Variants in CYP2F1 observed in about 807,000 individuals in gnomAD.
CYP2F1 encodes cytochrome P450 2F1.
In CYP2F1, 33 loss-of-function variants were observed where a neutral mutation model predicts 40.4. That is an observed-to-expected ratio of 0.82 (90% CI 0.62 to 1.09). The LOEUF (loss-of-function observed/expected upper bound fraction) is 1.09, where lower values mean the gene tolerates loss of function less well. CYP2F1 is among the 50% of genes least tolerant of loss of function. CYP2F1 has a pLI of 0.00. For synonymous variants in CYP2F1, 235 were observed against 277.2 expected (o/e 0.85, Z 1.51); for missense variants, 566 against 655.7 (o/e 0.86, Z 1.49).
chr19:41,119,229 G>A (rs28467471), intron 3 of CYP2F1, among the ~76,000 whole-genome samples: 2,883 of 152,332 alleles, frequency 0.019, 97 homozygotes, highest in African/African-American at 0.066. Flanking sequence ...TCCAGGAAGA[G>A]AAGAGACGGG....
At chr19:41,116,017 C>G (rs561731839) in intron 1 of CYP2F1, among the ~76,000 whole-genome samples, 161 bp from the exon 2 acceptor site, 1 of 152,100 alleles carries the variant, frequency 6.6e-6, no homozygotes, top group Non-Finnish European at 1.5e-5. Context: ...ATCTCTGCCT[C>G]TTTCCTCCTT....
At chr19:41,122,731 G>A in intron 6 of CYP2F1, 91 bp from the exon 7 acceptor site, 4 of 1,350,098 alleles carry the variant, frequency 3.0e-6, no homozygotes, top group Non-Finnish European at 3.9e-6. Context: ...AACCCAGCTG[G>A]GACCGAATGG....
chr19:41,120,328 C>A lies in CYP2F1; in HGVS notation c.335-19C>A. 6.4e-7 allele frequency: 1 copy of A among 1,573,916 alleles called. No individual in the cohort carries two copies. Among genetic ancestry groups the A allele is most frequent in the Non-Finnish European group, 8.6e-7 (1 of 1,163,036 alleles). On this transcript the variant is annotated intron_variant, in intron 3 of 9. Transcript: ENST00000331105. Reference sequence around the variant, plus strand: ...AGGATGAGTTCCCGGTTAAGCTGGTCCCCTCCTCTTCTCCCCAGGCATCGC... The same window carrying A: ...AGGATGAGTTCCCGGTTAAGCTGGTACCCTCCTCTTCTCCCCAGGCATCGC...
chr19:41,127,997 C>T lies in CYP2F1; in HGVS notation c.1391C>T (p.Ala464Val), dbSNP rs370378900. ...LQSFSLQPLG[A>V]PEDIDLTPLS... The stretch of plus-strand genomic sequence containing the variant: ...AGCTTTTCGCTGCAGCCGCTGGGTG[C>T]GCCCGAGGACATCGACCTGACCCCA... Residue 464 changes from alanine (A) to valine (V), a missense_variant, in exon 10 of 10, where the codon GCG (alanine) becomes GTG (valine). By Grantham distance (64) the Ala-to-Val change is moderately conservative (BLOSUM62 0). Around this residue, in one of 5 missense-constraint regions of CYP2F1, gnomAD observed 85 missense variants for 84.9 expected, o/e 1.00. Coordinates refer to ENST00000331105, the MANE Select transcript of CYP2F1 (RefSeq NM_000774.5). The T allele has an allele frequency of 3.7e-5, 60 of 1,613,240 alleles. No homozygotes were observed. The highest frequency in any genetic ancestry group is 4.7e-5 in the Non-Finnish European group (55 of 1,180,002).
Position 41,120,231 on chromosome 19 carries a change from G to C in CYP2F1, c.335-116G>C, listed in dbSNP as rs1024565541. 5.7e-6 allele frequency: 6 copies of C among 1,050,810 alleles called. No homozygotes were observed. The East Asian group carries it at 1.5e-4, about 26-fold the overall frequency. 65.1% of individuals were successfully genotyped at this position (1,050,810 alleles called of 1,614,324 possible). ...GGTCCAGAAGGGCTTACTGGAAGGA[G>C]CCAGGGAGATTCCAAACTCTGTCTC... is the stretch of plus-strand genomic sequence containing the variant. On this transcript the variant is annotated intron_variant, in intron 3 of 9. Transcript: ENST00000331105.
chr19:41,116,651 C>T (rs2031829986), intron 3 of CYP2F1, 34 bp downstream of exon 3: 8 of 1,607,748 alleles, frequency 5.0e-6, no homozygotes, highest in Non-Finnish European at 5.9e-6. Flanking sequence ...CGCTCTCGGC[C>T]TTTTCCATAT....
In CYP2F1 at chr19:41,120,394, T is replaced by G. The variant is rs1342733509; in HGVS notation, c.382T>G (p.Ser128Ala). Residue 128 changes from serine (S) to alanine (A), a missense_variant, in exon 4 of 10, where the codon TCT (serine) becomes GCT (alanine). By Grantham distance (99) the Ser-to-Ala change is moderately conservative (BLOSUM62 1). This residue lies in a region of CYP2F1 where 264 missense variants were observed against 275.7 expected (regional missense o/e 0.96). Coordinates refer to ENST00000331105, the MANE Select transcript of CYP2F1 (RefSeq NM_000774.5). ...TCGATGGAAGGTCCTGAGACAGTTC[T>G]CTATCCAGATTCTACGGAATTTCGG... is the stretch of plus-strand genomic sequence containing the variant. ...GDRWKVLRQF[S>A]IQILRNFGMG... is the part of the protein sequence containing the mutation. The G allele has an allele frequency of 1.9e-6, 3 of 1,614,008 alleles. No individual in the cohort carries two copies. The East Asian group carries it at 6.7e-5, about 36-fold the overall frequency.
rs2032572092 is a variant in CYP2F1, at chr19:41,127,015, C to T, written c.1295-886C>T. 2.0e-5 allele frequency among the ~76,000 whole-genome samples: 3 copies of T among 152,126 alleles called. No individual in the cohort carries two copies. The South Asian group carries it at 6.2e-4, about 31-fold the overall frequency. On this transcript the variant is annotated intron_variant, in intron 9 of 9. Transcript: ENST00000331105. The stretch of plus-strand genomic sequence containing the variant: ...GTAACTTACCATATTGCCTACTGTG[C>T]GTCAAGTGCTGCCTCTACAAGAGCC...
At chr19:41,120,025 G>A (rs955353699) in intron 3 of CYP2F1, among the ~76,000 whole-genome samples, 1 of 151,914 alleles carries the variant, frequency 6.6e-6, no homozygotes, top group African/African-American at 2.4e-5. Context: ...AGGACCCAGT[G>A]GTGACCAAGA....
chr19:41,119,683 G>GTCTCTCTCTCTCTCTC (rs1159535426), intron 3 of CYP2F1, among the ~76,000 whole-genome samples: 17 of 13,414 alleles, frequency 1.3e-3, no homozygotes, highest in East Asian at 3.2e-3. Flanking sequence ...GCAAGACTCC[G>GTCTCTCTCTCTCTCTC]TCTCTCTCTC....
chr19:41,119,045 C>T (rs953049379), intron 3 of CYP2F1, among the ~76,000 whole-genome samples: 1 of 151,998 alleles, frequency 6.6e-6, no homozygotes, highest in African/African-American at 2.4e-5. Flanking sequence ...GCCTGGGGAG[C>T]TATGGAAACC....
rs2031816582 is a variant in CYP2F1 at position 41,116,497 on chromosome 19, C to T, written c.214C>T (p.Pro72Ser). The part of the protein sequence containing the change: ...YGSMYTVHLG[P>S]RRVVVLSGYQ... ...CTCCATGTACACAGTGCACCTGGGA[C>T]CCAGGCGGGTGGTGGTCCTCAGCGG... The change falls in exon 3 of 10, where the codon CCC becomes TCC. Residue 72 changes from proline (P) to serine (S), a missense_variant. By Grantham distance (74) the Pro-to-Ser change is moderately conservative. This residue lies in a region of CYP2F1 where 264 missense variants were observed against 275.7 expected (regional missense o/e 0.96). Coordinates refer to ENST00000331105, the MANE Select transcript of CYP2F1 (RefSeq NM_000774.5). The T allele has an allele frequency of 6.2e-7, 1 of 1,613,932 alleles. No homozygotes were observed. Among genetic ancestry groups the T allele is most frequent in the Non-Finnish European group, 8.5e-7 (1 of 1,179,936 alleles).
rs139771983 is a variant in CYP2F1 at position 41,124,056 on chromosome 19, C to T, written c.965-663C>T. 3.8e-3 allele frequency among the ~76,000 whole-genome samples: 574 copies of T among 151,986 alleles called. 1 individual carries two copies. Among genetic ancestry groups the T allele is most frequent in the African/African-American group, 0.014 (561 of 41,444 alleles). Reference sequence around the variant, plus strand: ...CTCCAGCCCTCCCACACAGTCCACCCACTCGACCTACCGTCCAGCCAGTAG... The same window carrying T: ...CTCCAGCCCTCCCACACAGTCCACCTACTCGACCTACCGTCCAGCCAGTAG... On this transcript the variant is annotated intron_variant, in intron 7 of 9. Coordinates refer to ENST00000331105, the MANE Select transcript of CYP2F1 (RefSeq NM_000774.5).
intron 4 of CYP2F1, among the ~76,000 whole-genome samples, chr19:41,120,923 C>T (rs951591791): frequency 6.6e-6 from 1 of 151,728 alleles, no homozygotes; most frequent in Non-Finnish European, 1.5e-5. Context: ...TGAGTTCAAG[C>T]GATTCTGCTT....
At chr19:41,115,929 G>T (rs879261633) in intron 1 of CYP2F1, among the ~76,000 whole-genome samples, 1 of 151,860 alleles carries the variant, frequency 6.6e-6, no homozygotes, top group Non-Finnish European at 1.5e-5. Context: ...GCCTCTCTTA[G>T]TCTCTGTTCC....
At position 41,118,511 on chromosome 19, in the gene CYP2F1, C is replaced by T. The variant is rs11670500; in HGVS notation, c.335-1836C>T. ...ATTACAATATTGTGTATTAGGTACA[C>T]GTTCCATCCTTCATGCTCCCTTCCC... On this transcript the variant is annotated intron_variant, in intron 3 of 9. Coordinates refer to ENST00000331105, the MANE Select transcript of CYP2F1 (RefSeq NM_000774.5). 3.5e-3 allele frequency among the ~76,000 whole-genome samples: 534 copies of T among 151,512 alleles called. 4 individuals are homozygous for T. The highest frequency in any genetic ancestry group is 0.012 in the African/African-American group (512 of 41,180).
intron 4 of CYP2F1, 34 bp downstream of exon 4, chr19:41,120,530 G>A (rs747528022): frequency 2.1e-5 from 33 of 1,587,260 alleles, no homozygotes; most frequent in Non-Finnish European, 2.5e-5. Context: ...TGGATGGCAC[G>A]ATCTTTTTTT....
Position 41,116,367 on chromosome 19 carries a change from G to T in CYP2F1, c.171+8G>T. 6.2e-7 allele frequency: 1 copy of T among 1,613,264 alleles called. No homozygotes were observed. Among genetic ancestry groups the T allele is most frequent in the Non-Finnish European group, 8.5e-7 (1 of 1,179,558 alleles). On this transcript the variant is annotated splice_region_variant and intron_variant, in intron 2 of 9. Transcript: ENST00000331105. ...CTGACTTCTCTCACTAAGGTGCAAGGCCCTTAGCTTGGGTGATGGTGGAAG... is the reference window on the plus strand; with the variant it reads ...CTGACTTCTCTCACTAAGGTGCAAGTCCCTTAGCTTGGGTGATGGTGGAAG...
At chr19:41,122,537 C>T (rs2032283942) in intron 6 of CYP2F1, among the ~76,000 whole-genome samples, 2 of 151,986 alleles carry the variant, frequency 1.3e-5, no homozygotes, top group African/African-American at 4.8e-5. Context: ...TACACACATA[C>T]ATACATACAT....
Sources: gnomAD v4.1 joint callset for allele counts (sites outside exome capture counted in the v4.1 genomes callset) on GRCh38, gnomAD v4.1.1 for gene constraint, gnomAD v4.1.1 regional missense constraint, MANE v1.5 for transcripts, NCBI Gene and HGNC (gene_info 2026-07-23, HGNC 2026-07-21) for gene names.